Variants in NAALADL2 observed in about 807,000 individuals in gnomAD.
NAALADL2 encodes the protein inactive N-acetylated-alpha-linked acidic dipeptidase-like protein 2.
Under a neutral mutation model 87.2 loss-of-function variants are expected in NAALADL2, and 76 were observed. The ratio of observed to expected loss-of-function variants is 0.87; its 90% CI spans 0.72 to 1.05. The LOEUF (loss-of-function observed/expected upper bound fraction) is 1.05. NAALADL2 is among the 50% of genes least tolerant of loss of function. The pLI is 0.00. For missense variants in NAALADL2, 1,089 were observed against 945.8 expected, an observed-to-expected ratio of 1.15 and a Z score of -1.99; for synonymous variants, 354 against 331.0, an observed-to-expected ratio of 1.07 and a Z score of -0.75.
Position 174,602,832 on chromosome 3 carries a change from T to C in NAALADL2, c.-115+52195T>C, listed in dbSNP as rs560606857. Among the ~76,000 whole-genome samples, 82 of 152,094 alleles carry C rather than the reference T, an allele frequency of 5.4e-4. 1 individual carries two copies. The highest frequency in any genetic ancestry group is 1.8e-4 in the Non-Finnish European group (12 of 67,928). ...CCCAATTCATTAAGGATTTTTATTA[T>C]GAAGTGATGTTGAAATTTATCAAAT... is the stretch of plus-strand genomic sequence containing the variant. On this transcript the variant is annotated intron_variant, in intron 2 of 3. Transcript: ENST00000434257.
chr3:175,508,794 T>A (rs1185676474), intron 9 of NAALADL2, among the ~76,000 whole-genome samples: 2 of 152,052 alleles, frequency 1.3e-5, no homozygotes, highest in African/African-American at 4.8e-5. Flanking sequence ...ATTTTGAAAG[T>A]TTTTTGAATA....
chr3:174,605,682 C>T (rs1212642715), intron 2 of NAALADL2, among the ~76,000 whole-genome samples: 1 of 152,090 alleles, frequency 6.6e-6, no homozygotes, highest in Non-Finnish European at 1.5e-5. Context: ...CTGGGTGGAG[C>T]CCACCACAGC....
chr3:174,605,526 G>T lies in NAALADL2; in HGVS notation c.-115+54889G>T, dbSNP rs113880637. Among the ~76,000 whole-genome samples, 1,290 of 152,282 alleles carry T rather than the reference G, an allele frequency of 8.5e-3. 12 individuals carry two copies. Among genetic ancestry groups the T allele is most frequent in the African/African-American group, 0.03 (1,245 of 41,558 alleles). On this transcript the variant is annotated intron_variant, in intron 2 of 3. Coordinates refer to the NAALADL2 transcript ENST00000434257. ...CACCAGGAGATTATATCCTGCACCT[G>T]GCTCGGAGGGTCCTACGCCCACGGA...
intron 9 of NAALADL2, among the ~76,000 whole-genome samples, chr3:175,549,743 CA>C (rs564344243): frequency 2.0e-5 from 3 of 152,014 alleles, no homozygotes; most frequent in Middle Eastern, 3.4e-3. Context: ...AGGCGGACTG[CA>C]AAAAACTTAA....
chr3:174,676,281 C>T (rs1419050683), intron 2 of NAALADL2, among the ~76,000 whole-genome samples: 2 of 152,000 alleles, frequency 1.3e-5, no homozygotes, highest in Non-Finnish European at 2.9e-5. Context: ...ACACTGGCCG[C>T]TTCATTGTGG....
At chr3:174,766,701 G>A (rs1713845682) in intron 3 of NAALADL2, among the ~76,000 whole-genome samples, 1 of 152,128 alleles carries the variant, frequency 6.6e-6, no homozygotes, top group African/African-American at 2.4e-5. Context: ...TAGATTTAGA[G>A]TTCTACCTTT....
chr3:175,733,609 C>A (rs1744090482), intron 11 of NAALADL2, among the ~76,000 whole-genome samples: 1 of 152,144 alleles, frequency 6.6e-6, no homozygotes, highest in Non-Finnish European at 1.5e-5. Context: ...ATTTCAAAAC[C>A]AAACATGCCT....
intron 9 of NAALADL2, among the ~76,000 whole-genome samples, chr3:175,490,286 C>T (rs1200690430): frequency 1.3e-5 from 2 of 152,102 alleles, no homozygotes; most frequent in African/African-American, 4.8e-5. Flanking sequence ...AATTCTTGCC[C>T]ACTTTAGAGT....
intron 7 of NAALADL2, among the ~76,000 whole-genome samples, chr3:175,466,492 G>A (rs1389614850): frequency 6.6e-6 from 1 of 151,930 alleles, no homozygotes; most frequent in Non-Finnish European, 1.5e-5. Context: ...GAAAGGAGAG[G>A]GCCTAAAATT....
At chr3:174,448,762 A>G (rs1715251304) in intron 1 of NAALADL2, among the ~76,000 whole-genome samples, 2 of 152,184 alleles carry the variant, frequency 1.3e-5, no homozygotes, top group Admixed American at 1.3e-4. Flanking sequence ...AGTAAGGAAG[A>G]GAAGTTGGTC....
At chr3:175,558,135 T>G (rs1482169322) in intron 9 of NAALADL2, among the ~76,000 whole-genome samples, 3 of 141,308 alleles carry the variant, frequency 2.1e-5, no homozygotes, top group African/African-American at 8.3e-5. Context: ...GCGGAGCTTG[T>G]AGTGAGCTGA....
intron 3 of NAALADL2, among the ~76,000 whole-genome samples, chr3:175,241,706 A>C (rs1401566009): frequency 1.3e-5 from 2 of 152,172 alleles, no homozygotes; most frequent in Admixed American, 6.5e-5. Context: ...CCCGTGAAAG[A>C]GAACAGAAGC....
intron 11 of NAALADL2, among the ~76,000 whole-genome samples, chr3:175,695,911 T>G (rs1001243641): frequency 3.9e-5 from 6 of 152,226 alleles, no homozygotes; most frequent in South Asian, 2.1e-4. Flanking sequence ...CAATGTCTAC[T>G]TAAAAAATTT....
chr3:174,931,077 T>A (rs372583750), intron 1 of NAALADL2, among the ~76,000 whole-genome samples: 123 of 152,272 alleles, frequency 8.1e-4, no homozygotes, highest in African/African-American at 2.8e-3. Context: ...GGTTTTATAC[T>A]AATGAACTAT....
chr3:175,572,422 A>AAG (rs1465045671), intron 9 of NAALADL2, among the ~76,000 whole-genome samples: 6 of 152,124 alleles, frequency 3.9e-5, no homozygotes, highest in African/African-American at 1.4e-4. Flanking sequence ...AAAAAAAAAA[A>AAG]AAAAGTTTTT....
At chr3:175,570,086 A>C (rs984172586) in intron 9 of NAALADL2, among the ~76,000 whole-genome samples, 12 of 152,184 alleles carry the variant, frequency 7.9e-5, no homozygotes, top group African/African-American at 2.9e-4. Context: ...AAAGCTATTA[A>C]GTTTCAGTCC....
rs1012780879 is a variant in NAALADL2, at chr3:175,803,677, G to A, written c.*474G>A. 6.6e-6 allele frequency: 1 copy of A among 152,578 alleles called. No individual in the cohort carries two copies. The highest frequency in any genetic ancestry group is 2.4e-5 in the African/African-American group (1 of 41,420). 9.5% of individuals were successfully genotyped at this position (152,578 alleles called of 1,614,324 possible). A position where few individuals can be genotyped will look rare whatever the true frequency, so the allele number is the denominator to read the frequency against. ...TGAAGAATTCAAGTATTCTGACTGA[G>A]TGATTGGTTGACCTAAACCACTTTG... On this transcript the variant is annotated 3_prime_UTR_variant, in exon 14 of 14. Coordinates refer to ENST00000454872, the MANE Select transcript of NAALADL2 (RefSeq NM_207015.3).
chr3:175,198,234 A>G (rs1192618809), intron 2 of NAALADL2, among the ~76,000 whole-genome samples: 1 of 152,112 alleles, frequency 6.6e-6, no homozygotes, highest in Non-Finnish European at 1.5e-5. Flanking sequence ...CTTCAAGATG[A>G]ATATTAAATT....
Position 175,121,028 on chromosome 3 carries a change from A to T in NAALADL2, c.545+23737A>T, listed in dbSNP as rs560374285. On this transcript the variant is annotated intron_variant, in intron 2 of 13. Transcript: ENST00000454872. ...TTCTCTGATGAGTCCCCCTTTTTGC[A>T]TCTACCTTTTAAGTGGTATCCTACA... 2.0e-5 allele frequency among the ~76,000 whole-genome samples: 3 copies of T among 151,728 alleles called. No individual in the cohort carries two copies. The South Asian group carries it at 6.2e-4, about 31-fold the overall frequency.
Sources: allele counts gnomAD v4.1 joint callset (sites outside exome capture counted in the v4.1 genomes callset), GRCh38; gene constraint gnomAD v4.1.1; transcripts MANE v1.5; gene names NCBI Gene and HGNC (gene_info 2026-07-23, HGNC 2026-07-21).